The following SUGCT variants were observed in gnomAD, a reference collection of about 807,000 sequenced individuals.
The protein encoded by SUGCT is succinyl-CoA:glutarate CoA-transferase.
SUGCT carries 41 observed loss-of-function variants against 55.0 expected under a neutral mutation model. The observed-to-expected ratio is 0.74, with a 90% confidence interval of 0.58 to 0.97. The LOEUF (loss-of-function observed/expected upper bound fraction) is 0.97, where lower values mean the gene tolerates loss of function less well. Among genes scored for constraint, SUGCT ranks in the 50% least tolerant of loss-of-function variants. The pLI is 0.00. For missense variants in SUGCT, 568 were observed against 547.8 expected (o/e 1.04, Z -0.37); for synonymous variants, 187 against 200.4 (o/e 0.93, Z 0.56).
intron 6 of SUGCT, among the ~76,000 whole-genome samples, chr7:40,235,914 A>G (rs1788984005): frequency 1.3e-5 from 2 of 152,296 alleles, no homozygotes; most frequent in South Asian, 2.1e-4. Context: ...CAACCCTTTC[A>G]TGGCCTTCCT....
intron 9 of SUGCT, among the ~76,000 whole-genome samples, chr7:40,385,623 T>C (rs1785081730): frequency 6.6e-6 from 1 of 152,204 alleles, no homozygotes; most frequent in Non-Finnish European, 1.5e-5. Flanking sequence ...AAGGACTATG[T>C]TTCTCCTTTT....
At chr7:40,554,121 C>A (rs1273821484) in intron 12 of SUGCT, among the ~76,000 whole-genome samples, 1 of 152,198 alleles carries the variant, frequency 6.6e-6, no homozygotes, top group East Asian at 1.9e-4. Context: ...GCATTTAATT[C>A]TTTGTGCTCA....
intron 7 of SUGCT, among the ~76,000 whole-genome samples, chr7:40,243,027 C>T (rs1322641877): frequency 5.1e-5 from 7 of 137,564 alleles, no homozygotes; most frequent in East Asian, 4.5e-4. Flanking sequence ...CTCAACATCC[C>T]GGGGCTCAGG....
intron 9 of SUGCT, among the ~76,000 whole-genome samples, chr7:40,438,736 T>G (rs1042103007): frequency 4.6e-5 from 7 of 151,986 alleles, no homozygotes; most frequent in African/African-American, 1.7e-4. Context: ...GCGTATGATT[T>G]GAGCTCTCCC....
At chr7:40,226,805 A>G (rs938571268) in intron 6 of SUGCT, among the ~76,000 whole-genome samples, 1 of 151,970 alleles carries the variant, frequency 6.6e-6, no homozygotes, top group Non-Finnish European at 1.5e-5. Context: ...AAATTTGCAT[A>G]TCACTTAAAA....
intron 12 of SUGCT, among the ~76,000 whole-genome samples, chr7:40,565,993 GCA>G (rs376444246): frequency 0.052 from 6,394 of 123,842 alleles, 166 homozygotes; most frequent in South Asian, 0.062. Context: ...ACACACACAC[GCA>G]CACACACACA....
chr7:41,032,078 T>A, the SUGCT span, among the ~76,000 whole-genome samples: 1 of 152,130 alleles, frequency 6.6e-6, no homozygotes, highest in African/African-American at 2.4e-5. Context: ...GGGGATTATA[T>A]GAACAAGACA....
chr7:40,929,038 C>G, the SUGCT span, among the ~76,000 whole-genome samples: 5 of 152,256 alleles, frequency 3.3e-5, no homozygotes, highest in South Asian at 1.0e-3. Context: ...CACCCATCAA[C>G]TTGTCATTTA....
At chr7:40,295,233 TAAC>T (rs1028942817) in intron 8 of SUGCT, among the ~76,000 whole-genome samples, 58 of 152,298 alleles carry the variant, frequency 3.8e-4, no homozygotes, top group African/African-American at 1.4e-3. Context: ...TGCTTAGTGA[TAAC>T]TACTATGAAA....
rs77224809 is a variant in SUGCT, at chr7:40,419,053, C to T, written c.817-30234C>T. Among the ~76,000 whole-genome samples, 343 of 152,130 alleles carry T rather than the reference C, an allele frequency of 2.3e-3. 12 individuals carry two copies. In the South Asian group the frequency reaches 0.059, roughly 26 times the overall value. The stretch of plus-strand genomic sequence containing the variant: ...TAAATATAGCTTTAAAGAAGAAATT[C>T]GCTATAAAGTATGTTAAATGAGTTT... On this transcript the variant is annotated intron_variant, in intron 9 of 13. Coordinates refer to ENST00000335693, the MANE Select transcript of SUGCT (RefSeq NM_001193313.2).
chr7:40,365,987 G>A (rs1329442697), intron 9 of SUGCT, among the ~76,000 whole-genome samples: 11 of 152,162 alleles, frequency 7.2e-5, no homozygotes, highest in Admixed American at 5.2e-4. Flanking sequence ...CAAAGCTGGA[G>A]GCATCACGCT....
At chr7:40,483,296 A>C (rs1347387622) in intron 11 of SUGCT, among the ~76,000 whole-genome samples, 1 of 152,160 alleles carries the variant, frequency 6.6e-6, no homozygotes, top group African/African-American at 2.4e-5. Flanking sequence ...GCACCCCTGT[A>C]CCAAGTTTTT....
At chr7:40,286,788 G>T (rs897224380) in intron 8 of SUGCT, among the ~76,000 whole-genome samples, 1 of 150,606 alleles carries the variant, frequency 6.6e-6, no homozygotes, top group South Asian at 2.1e-4. Flanking sequence ...ATAGTTAGTA[G>T]GTCCATTCAA....
At chr7:40,312,917 G>C (rs1795239072) in intron 8 of SUGCT, among the ~76,000 whole-genome samples, 1 of 152,126 alleles carries the variant, frequency 6.6e-6, no homozygotes, top group Admixed American at 6.5e-5. Context: ...TGTCACACTT[G>C]GTTGTCCTTT....
intron 11 of SUGCT, among the ~76,000 whole-genome samples, chr7:40,465,719 C>T (rs1048537651): frequency 6.6e-6 from 1 of 151,980 alleles, no homozygotes; most frequent in African/African-American, 2.4e-5. Flanking sequence ...AGAATTGGAC[C>T]TGGAACATTT....
chr7:40,977,497 G>T, the SUGCT span, among the ~76,000 whole-genome samples: 2 of 152,270 alleles, frequency 1.3e-5, no homozygotes, highest in Admixed American at 1.3e-4. Context: ...AGACCTATTT[G>T]TATGCTATAG....
chr7:40,290,084 G>C (rs984843521), intron 8 of SUGCT, among the ~76,000 whole-genome samples: 2 of 151,906 alleles, frequency 1.3e-5, no homozygotes, highest in Non-Finnish European at 2.9e-5. Context: ...TACTGCCCAA[G>C]GTAATTTATA....
chr7:40,568,194 C>G (rs749570046), intron 12 of SUGCT, among the ~76,000 whole-genome samples: 2 of 152,134 alleles, frequency 1.3e-5, no homozygotes, highest in Non-Finnish European at 2.9e-5. Flanking sequence ...AAATTTGATT[C>G]AGTGGAAAGT....
Position 40,851,601 on chromosome 7 carries a change from C to T in SUGCT, c.1154-8715C>T, listed in dbSNP as rs149273187. Among the ~76,000 whole-genome samples, 125 of 152,206 alleles carry T rather than the reference C, an allele frequency of 8.2e-4. 2 individuals are homozygous for T. In the East Asian group the frequency reaches 0.021, roughly 25 times the overall value. On this transcript the variant is annotated intron_variant, in intron 13 of 13. Transcript: ENST00000335693. ...AAAAGCCTTTGTCATTATCCTACAC[C>T]GCTCTAGAACCATCCCTTAGAGGAC...
Sources: allele counts gnomAD v4.1 joint callset (sites outside exome capture counted in the v4.1 genomes callset), GRCh38; gene constraint gnomAD v4.1.1; transcripts MANE v1.5; gene names NCBI Gene and HGNC (gene_info 2026-07-23, HGNC 2026-07-21).